Variants in NCALD observed in about 807,000 individuals in gnomAD.
The protein encoded by NCALD is neurocalcin delta.
Under a neutral mutation model 18.6 loss-of-function variants are expected in NCALD, and 10 were observed. That is an observed-to-expected ratio of 0.54 (90% confidence interval 0.33 to 0.91). NCALD has a LOEUF of 0.91. Among genes scored for constraint, NCALD ranks in the 40% least tolerant of loss-of-function variants. The probability of loss-of-function intolerance (pLI) is 0.03; values close to 1 mark genes in which losing one functional copy is unlikely to be tolerated. For missense variants in NCALD, 184 were observed against 247.6 expected (o/e 0.74, Z 1.72); for synonymous variants, 88 against 87.4 (o/e 1.01, Z -0.04).
chr8:101,931,346 A>G (rs964713340), intron 2 of NCALD, among the ~76,000 whole-genome samples: 1 of 152,206 alleles, frequency 6.6e-6, no homozygotes, highest in African/African-American at 2.4e-5. Context: ...CTTTTTCACA[A>G]GGCTGGTGAG....
intron 1 of NCALD, among the ~76,000 whole-genome samples, chr8:102,053,139 T>C (rs1823510728): frequency 6.6e-6 from 1 of 152,216 alleles, no homozygotes; most frequent in Non-Finnish European, 1.5e-5. Flanking sequence ...AAGAGCAATA[T>C]GCCCAGAAAC....
At chr8:101,874,577 G>T (rs755499922) in intron 4 of NCALD, among the ~76,000 whole-genome samples, 2 of 152,012 alleles carry the variant, frequency 1.3e-5, no homozygotes, top group Non-Finnish European at 1.5e-5. Context: ...TCCCTCTGTT[G>T]CCCAGGCTGG....
intron 1 of NCALD, among the ~76,000 whole-genome samples, chr8:101,781,008 A>C (rs895313846): frequency 6.6e-6 from 1 of 152,124 alleles, no homozygotes; most frequent in Admixed American, 6.6e-5. Context: ...AGAGAGTTCT[A>C]TTTCTAAATA....
chr8:101,980,092 G>A (rs1356543337), intron 2 of NCALD, among the ~76,000 whole-genome samples: 2 of 152,130 alleles, frequency 1.3e-5, no homozygotes, highest in Non-Finnish European at 2.9e-5. Context: ...TTCCACATCA[G>A]CCTTGGCATC....
At chr8:101,778,908 C>T (rs1415969805) in intron 1 of NCALD, among the ~76,000 whole-genome samples, 1 of 152,106 alleles carries the variant, frequency 6.6e-6, no homozygotes, top group African/African-American at 2.4e-5. Context: ...TATCTGGACA[C>T]TTCCTGGTAA....
chr8:101,704,722 A>G lies in NCALD; in HGVS notation c.379-11826T>C, dbSNP rs575727307. ...CAGCTGAGGTCAGGAGTTCAAGACC[A>G]GCCTGGCCAACATGGTGAAACCCCA... On this transcript the variant is annotated intron_variant, in intron 2 of 3. Transcript: ENST00000220931. Among the ~76,000 whole-genome samples the G allele has an allele frequency of 2.6e-5, 4 of 151,628 alleles. No homozygotes were observed. The South Asian group carries it at 8.4e-4, about 32-fold the overall frequency.
At chr8:102,063,409 G>A (rs1391237433) in intron 1 of NCALD, among the ~76,000 whole-genome samples, 1 of 152,024 alleles carries the variant, frequency 6.6e-6, no homozygotes, top group Admixed American at 6.6e-5. Flanking sequence ...TTCAACTCAG[G>A]ACCGACCAAT....
In NCALD at chr8:101,936,587, G is replaced by A. The variant is rs188512735; in HGVS notation, c.-156-20729C>T. Among the ~76,000 whole-genome samples, 8 of 152,252 alleles carry A rather than the reference G, an allele frequency of 5.3e-5. No individual in the cohort carries two copies. The East Asian group carries it at 1.5e-3, about 29-fold the overall frequency. On this transcript the variant is annotated intron_variant, in intron 2 of 6. Transcript: ENST00000311028. ...TGGTAAGAGCAAAGTCAGGGTAGAG[G>A]TTCTTAACCCTATTAGATTTGCTAA...
chr8:102,112,605 T>A (rs2132456151), intron 1 of NCALD, among the ~76,000 whole-genome samples: 1 of 152,320 alleles, frequency 6.6e-6, no homozygotes, highest in Non-Finnish European at 1.5e-5. Flanking sequence ...GTCCCCAAAT[T>A]AGAACTACAG....
At chr8:101,768,335 A>G (rs537248791) in intron 1 of NCALD, among the ~76,000 whole-genome samples, 2 of 152,338 alleles carry the variant, frequency 1.3e-5, no homozygotes, top group East Asian at 3.9e-4. Flanking sequence ...TGGTCACACC[A>G]ATAGTCTATA....
At chr8:102,044,808 T>C (rs1249363111) in intron 1 of NCALD, among the ~76,000 whole-genome samples, 1 of 152,236 alleles carries the variant, frequency 6.6e-6, no homozygotes, top group East Asian at 1.9e-4. Flanking sequence ...TGGGATGAAT[T>C]CCATGGTAGC....
At chr8:101,845,561 G>A (rs1359949928) in intron 4 of NCALD, among the ~76,000 whole-genome samples, 1 of 152,106 alleles carries the variant, frequency 6.6e-6, no homozygotes, top group Non-Finnish European at 1.5e-5. Flanking sequence ...AATTGTAACT[G>A]TACATATTTA....
chr8:101,816,494 T>G (rs1421674853), intron 4 of NCALD, among the ~76,000 whole-genome samples: 7 of 152,152 alleles, frequency 4.6e-5, no homozygotes, highest in African/African-American at 1.7e-4. Flanking sequence ...TTAGTTACTT[T>G]TTCACAATTG....
At chr8:101,892,129 G>A (rs1360958258) in intron 3 of NCALD, among the ~76,000 whole-genome samples, 3 of 151,184 alleles carry the variant, frequency 2.0e-5, no homozygotes, top group Non-Finnish European at 4.4e-5. Flanking sequence ...CAGCTTTGAA[G>A]AGAGCAGTGG....
At position 101,994,638 on chromosome 8, in the gene NCALD, C is replaced by T. The variant is rs555584312; in HGVS notation, c.-157+25599G>A. Among the ~76,000 whole-genome samples, 21 of 152,342 alleles carry T rather than the reference C, an allele frequency of 1.4e-4. No individual in the cohort carries two copies. The South Asian group carries it at 2.9e-3, about 21-fold the overall frequency. On this transcript the variant is annotated intron_variant, in intron 2 of 6. Coordinates refer to the NCALD transcript ENST00000311028. ...GGGCAAGGTTGCCATGTGCATGGCCCGGAGAGCCACATGGCTGGGGTCTGA... is the reference window on the plus strand; with the variant it reads ...GGGCAAGGTTGCCATGTGCATGGCCTGGAGAGCCACATGGCTGGGGTCTGA...
chr8:102,028,181 G>A (rs1000463096), intron 1 of NCALD, among the ~76,000 whole-genome samples: 1 of 152,174 alleles, frequency 6.6e-6, no homozygotes, highest in Non-Finnish European at 1.5e-5. Flanking sequence ...GATATCCTCA[G>A]TCTATATTCA....
At chr8:102,080,723 T>G (rs887837994) in intron 1 of NCALD, among the ~76,000 whole-genome samples, 10 of 152,144 alleles carry the variant, frequency 6.6e-5, no homozygotes, top group Non-Finnish European at 1.5e-4. Flanking sequence ...GGCTTGGGGC[T>G]CCCATAAAAA....
chr8:102,081,734 C>T (rs1824546223), intron 1 of NCALD, among the ~76,000 whole-genome samples: 1 of 152,094 alleles, frequency 6.6e-6, no homozygotes, highest in South Asian at 2.1e-4. Flanking sequence ...CACAGAACAT[C>T]GTTTGATAAA....
At chr8:101,724,574 C>G (rs1319732991) in intron 1 of NCALD, among the ~76,000 whole-genome samples, 1 of 152,176 alleles carries the variant, frequency 6.6e-6, no homozygotes, top group Non-Finnish European at 1.5e-5. Context: ...TTAAATGAGA[C>G]AGTCAAACAT....
Sources: gnomAD v4.1 joint callset for allele counts (sites outside exome capture counted in the v4.1 genomes callset) on GRCh38, gnomAD v4.1.1 for gene constraint, MANE v1.5 for transcripts, NCBI Gene and HGNC (gene_info 2026-07-23, HGNC 2026-07-21) for gene names.